Variants in CLSTN2 observed in about 807,000 individuals in gnomAD.
CLSTN2 encodes calsyntenin-2.
A neutral mutation model predicts 101.2 loss-of-function variants in CLSTN2; 48 were observed. The ratio of observed to expected loss-of-function variants is 0.47; its 90% CI spans 0.38 to 0.60. The LOEUF (loss-of-function observed/expected upper bound fraction) is 0.60. Ranked by LOEUF, CLSTN2 falls within the 20% of genes least tolerant of loss-of-function variation. The probability of loss-of-function intolerance (pLI) is 0.00; values close to 1 mark genes in which losing one functional copy is unlikely to be tolerated. For synonymous variants in CLSTN2, 481 were observed against 463.6 expected (o/e 1.04, Z -0.48); for missense variants, 1,160 against 1,238.2 (o/e 0.94, Z 0.95).
intron 1 of CLSTN2, among the ~76,000 whole-genome samples, chr3:140,052,449 C>A (rs1013081262): frequency 4.6e-5 from 7 of 152,202 alleles, no homozygotes; most frequent in Non-Finnish European, 7.3e-5. Flanking sequence ...AGCCACCGCA[C>A]CTGGCCAATA....
intron 8 of CLSTN2, among the ~76,000 whole-genome samples, chr3:140,489,794 G>A (rs1354233097): frequency 6.6e-6 from 1 of 151,526 alleles, no homozygotes; most frequent in Non-Finnish European, 1.5e-5. Flanking sequence ...TTACTCAGAT[G>A]TGAGGTAACT....
At chr3:140,079,986 GCTC>G (rs1375447307) in intron 1 of CLSTN2, among the ~76,000 whole-genome samples, 2 of 152,264 alleles carry the variant, frequency 1.3e-5, no homozygotes, top group East Asian at 3.9e-4. Context: ...AGGAAGATGT[GCTC>G]ATATACATTA....
intron 1 of CLSTN2, among the ~76,000 whole-genome samples, chr3:139,951,597 A>C (rs537666567): frequency 1.3e-5 from 2 of 152,294 alleles, no homozygotes; most frequent in Admixed American, 1.3e-4. Context: ...GGGAGACCAC[A>C]CTGGGCCCAG....
intron 1 of CLSTN2, among the ~76,000 whole-genome samples, chr3:140,009,101 G>A (rs1164044977): frequency 1.3e-5 from 2 of 152,178 alleles, no homozygotes; most frequent in Middle Eastern, 3.2e-3. Context: ...AATAAACATG[G>A]AATGGACTTG....
chr3:140,037,834 G>C (rs2007685638), intron 1 of CLSTN2, among the ~76,000 whole-genome samples: 1 of 152,152 alleles, frequency 6.6e-6, no homozygotes, highest in African/African-American at 2.4e-5. Flanking sequence ...GCTGAGGATA[G>C]TGGCTTCCAA....
intron 1 of CLSTN2, among the ~76,000 whole-genome samples, chr3:140,123,182 G>A (rs952325514): frequency 5.1e-5 from 6 of 118,686 alleles, no homozygotes; most frequent in African/African-American, 1.8e-4. Context: ...GGTGGGGGGC[G>A]GGACATGAAT....
intron 8 of CLSTN2, among the ~76,000 whole-genome samples, chr3:140,493,350 T>C (rs1559885759): frequency 6.6e-6 from 1 of 152,192 alleles, no homozygotes. Context: ...CTTTAAAGTG[T>C]TTTTAATTAA....
chr3:140,163,190 T>C (rs1391382024), intron 1 of CLSTN2, among the ~76,000 whole-genome samples: 2 of 152,174 alleles, frequency 1.3e-5, no homozygotes, highest in African/African-American at 4.8e-5. Context: ...CTACAATCAG[T>C]TGACTTTAAG....
At chr3:139,957,911 G>A (rs922551086) in intron 1 of CLSTN2, among the ~76,000 whole-genome samples, 1 of 152,150 alleles carries the variant, frequency 6.6e-6, no homozygotes, top group South Asian at 2.1e-4. Context: ...CAGAATCGCC[G>A]GGCGATCCCC....
chr3:140,262,087 T>C (rs2086658742), intron 2 of CLSTN2, among the ~76,000 whole-genome samples: 1 of 152,216 alleles, frequency 6.6e-6, no homozygotes, highest in Admixed American at 6.5e-5. Context: ...TTCCTGAAGC[T>C]TAGTTTTTTG....
At chr3:140,122,655 G>T (rs2009362242) in intron 1 of CLSTN2, among the ~76,000 whole-genome samples, 1 of 152,160 alleles carries the variant, frequency 6.6e-6, no homozygotes, top group African/African-American at 2.4e-5. Flanking sequence ...GAGAGTGTCT[G>T]TCTGAGGGTG....
At chr3:140,399,977 A>T (rs895183002) in intron 2 of CLSTN2, among the ~76,000 whole-genome samples, 5 of 152,092 alleles carry the variant, frequency 3.3e-5, no homozygotes, top group Non-Finnish European at 7.4e-5. Context: ...AAAAAAAAAA[A>T]AGCAATGAGT....
At chr3:140,407,690 C>T (rs2088318717) in intron 4 of CLSTN2, among the ~76,000 whole-genome samples, 1 of 152,190 alleles carries the variant, frequency 6.6e-6, no homozygotes, top group Non-Finnish European at 1.5e-5. Context: ...ATCACATCAC[C>T]TTCCTCTTGG....
At chr3:139,978,745 C>T (rs1048310699) in intron 1 of CLSTN2, among the ~76,000 whole-genome samples, 5 of 149,204 alleles carry the variant, frequency 3.4e-5, no homozygotes, top group Non-Finnish European at 7.4e-5. Flanking sequence ...TCCTCATCTT[C>T]CAAAGTAGAA....
chr3:140,085,640 C>A (rs147325958), intron 1 of CLSTN2, among the ~76,000 whole-genome samples: 116 of 152,222 alleles, frequency 7.6e-4, no homozygotes, highest in African/African-American at 2.4e-3. Context: ...ACTCCGGTGT[C>A]ATTTTTTTAT....
Position 140,091,876 on chromosome 3 carries a change from G to C in CLSTN2, c.110-84075G>C, listed in dbSNP as rs932528922. Among the ~76,000 whole-genome samples the C allele has an allele frequency of 2.0e-5, 3 of 152,154 alleles. No individual in the cohort carries two copies. The South Asian group carries it at 6.2e-4, about 32-fold the overall frequency. ...CAACAATGCAATTTCCATTTGCTTTGTCTAATTTTCTCCATTCTTCGTGGT... is the reference window on the plus strand; with the variant it reads ...CAACAATGCAATTTCCATTTGCTTTCTCTAATTTTCTCCATTCTTCGTGGT... On this transcript the variant is annotated intron_variant, in intron 1 of 16. Transcript: ENST00000458420.
intron 4 of CLSTN2, 101 bp downstream of exon 4, chr3:140,404,867 C>A: frequency 1.0e-6 from 1 of 977,656 alleles, no homozygotes; most frequent in Non-Finnish European, 1.6e-6. Flanking sequence ...GCAAGTTATG[C>A]CTTTCTTGCC....
intron 6 of CLSTN2, among the ~76,000 whole-genome samples, chr3:140,450,761 C>T (rs909485228): frequency 1.3e-5 from 2 of 152,046 alleles, no homozygotes; most frequent in Non-Finnish European, 2.9e-5. Flanking sequence ...CACACACACC[C>T]CTTCACCCAC....
Position 139,991,910 on chromosome 3 carries a change from T to G in CLSTN2, c.109+56427T>G, listed in dbSNP as rs117235283. On this transcript the variant is annotated intron_variant, in intron 1 of 16. Coordinates refer to ENST00000458420, the MANE Select transcript of CLSTN2 (RefSeq NM_022131.3). Reference sequence around the variant, plus strand: ...AGCCCCTGACAACTTGAGGTCATCCTGTTGATTTTGGGTCTAATAAGGAGA... The same window carrying G: ...AGCCCCTGACAACTTGAGGTCATCCGGTTGATTTTGGGTCTAATAAGGAGA... Among the ~76,000 whole-genome samples the G allele has an allele frequency of 2.0e-5, 3 of 152,314 alleles. No homozygotes were observed. In the East Asian group the frequency reaches 5.8e-4, roughly 29 times the overall value.
Sources: allele counts gnomAD v4.1 joint callset (sites outside exome capture counted in the v4.1 genomes callset), GRCh38; gene constraint gnomAD v4.1.1; transcripts MANE v1.5; gene names NCBI Gene and HGNC (gene_info 2026-07-23, HGNC 2026-07-21).